PCDHGA3: variants seen among roughly 807,000 people sequenced by gnomAD.
PCDHGA3 encodes the protein protocadherin gamma subfamily A, 3.
Under a neutral mutation model 58.5 loss-of-function variants are expected in PCDHGA3, and 40 were observed. The observed-to-expected ratio is 0.68, with a 90% CI of 0.53 to 0.89. PCDHGA3 has a LOEUF of 0.89. Among genes scored for constraint, PCDHGA3 ranks in the 40% least tolerant of loss-of-function variants. PCDHGA3 has a pLI of 0.00. For synonymous variants in PCDHGA3, 530 were observed against 525.7 expected (o/e 1.01, Z -0.11); for missense variants, 1,223 against 1,195.9 (o/e 1.02, Z -0.33).
rs776047060 is a variant in PCDHGA3, at chr5:141,393,622, A to T, written c.2424+47165A>T. The T allele has an allele frequency of 1.9e-6, 3 of 1,613,960 alleles. No individual in the cohort carries two copies. The Admixed American group carries it at 5.0e-5, about 27-fold the overall frequency. ...CTTACTGTAACAGCCAGCGACCCGG[A>T]TGAGGGAATCAACGGAAAAGTGGCA... On this transcript the variant is annotated intron_variant, in intron 1 of 3. Coordinates refer to ENST00000253812, the MANE Select transcript of PCDHGA3 (RefSeq NM_018916.4).
At chr5:141,393,718 C>A in intron 1 of PCDHGA3, 2 of 1,613,644 alleles carry the variant, frequency 1.2e-6, no homozygotes, top group Non-Finnish European at 1.7e-6. Flanking sequence ...GGGGAAATAT[C>A]AATAGCAAAA....
chr5:141,345,989 C>G lies in PCDHGA3; in HGVS notation c.1956C>G (p.Pro652=), dbSNP rs1224103183. 6.2e-7 allele frequency: 1 copy of G among 1,613,424 alleles called. No individual in the cohort carries two copies. Among genetic ancestry groups the G allele is most frequent in the Non-Finnish European group, 8.5e-7 (1 of 1,179,842 alleles). Residue 652 remains proline (P), a synonymous_variant, in exon 1 of 4, where the codon CCC becomes CCG. Coordinates refer to ENST00000253812, the MANE Select transcript of PCDHGA3 (RefSeq NM_018916.4). ...LVVAVQDHGQ[P]PLSATVTLTV... ...TGGCCGTCCAGGACCACGGCCAGCC[C>G]CCTCTCTCCGCCACTGTCACGCTCA...
chr5:141,399,643 C>T, intron 1 of PCDHGA3: 1 of 1,613,832 alleles, frequency 6.2e-7, no homozygotes, highest in Non-Finnish European at 8.5e-7. Context: ...CATGAGCGCG[C>T]AAAGTGGGGT....
chr5:141,384,953 A>G, intron 1 of PCDHGA3: 1 of 1,613,944 alleles, frequency 6.2e-7, no homozygotes, highest in Non-Finnish European at 8.5e-7. Context: ...GACGGTCCTT[A>G]CAACTATGAC....
intron 1 of PCDHGA3, chr5:141,414,451 G>C (rs1390702349): frequency 1.9e-6 from 3 of 1,613,874 alleles, no homozygotes; most frequent in Non-Finnish European, 2.5e-6. Context: ...CAATATCACA[G>C]TGACAGCCAC....
At chr5:141,404,039 G>A in intron 1 of PCDHGA3, 1 of 1,613,750 alleles carries the variant, frequency 6.2e-7, no homozygotes, top group Non-Finnish European at 8.5e-7. Context: ...CGCACCTCAG[G>A]GAACAGTAAT....
At position 141,491,369 on chromosome 5, in the gene PCDHGA3, CCTTT is replaced by C; in HGVS notation, c.2425-3435_2425-3432del. ...AGTCTCTTATCCCTAGTCACCTTCACCTTTCTGTCAGCGAAGTGCCTTCAGGGAA... is the reference window on the plus strand; with the variant it reads ...AGTCTCTTATCCCTAGTCACCTTCACCTGTCAGCGAAGTGCCTTCAGGGAA... On this transcript the variant is annotated intron_variant, in intron 1 of 3. Transcript: ENST00000253812. The surrounding 1 kb of genome is among the most constrained non-coding windows in gnomAD (Gnocchi z 6.9). 1 of 1,614,110 alleles carries C rather than the reference CCTTT, an allele frequency of 6.2e-7. No individual in the cohort carries two copies. Among genetic ancestry groups the C allele is most frequent in the Non-Finnish European group, 8.5e-7 (1 of 1,179,996 alleles).
intron 1 of PCDHGA3, chr5:141,370,801 A>G: frequency 6.2e-7 from 1 of 1,614,036 alleles, no homozygotes; most frequent in Non-Finnish European, 8.5e-7. Flanking sequence ...TTTAGCCAAA[A>G]TATCACTGAG....
At chr5:141,408,097 C>T (rs2095040197) in intron 1 of PCDHGA3, 5 of 1,434,516 alleles carry the variant, frequency 3.5e-6, no homozygotes, top group Non-Finnish European at 3.7e-6. Context: ...TTGCCAGCTC[C>T]GAGACCCGGG....
chr5:141,364,522 C>G (rs1763375621), intron 1 of PCDHGA3: 1 of 1,613,942 alleles, frequency 6.2e-7, no homozygotes, highest in Non-Finnish European at 8.5e-7. Flanking sequence ...AGCGCGGAGT[C>G]CGCATCGTCT....
intron 1 of PCDHGA3, among the ~76,000 whole-genome samples, chr5:141,407,095 T>C (rs1242751445): frequency 6.6e-6 from 1 of 152,370 alleles, no homozygotes; most frequent in East Asian, 1.9e-4. Flanking sequence ...ATTGTTTTAT[T>C]TGTTTGTAAT....
At chr5:141,481,070 A>G (rs2099531062) in intron 1 of PCDHGA3, among the ~76,000 whole-genome samples, 1 of 152,144 alleles carries the variant, frequency 6.6e-6, no homozygotes, top group South Asian at 2.1e-4. Context: ...AAACAAAAAG[A>G]AAGAAAGAAA....
At chr5:141,439,631 A>G (rs1459977985) in intron 1 of PCDHGA3, among the ~76,000 whole-genome samples, 2 of 152,214 alleles carry the variant, frequency 1.3e-5, no homozygotes, top group African/African-American at 2.4e-5. Context: ...ATCCCCAGAC[A>G]TTCCGGCTTG....
At chr5:141,355,426 G>T (rs368097715) in intron 1 of PCDHGA3, 11 of 1,614,068 alleles carry the variant, frequency 6.8e-6, no homozygotes, top group Non-Finnish European at 9.3e-6. Flanking sequence ...GCAGCTTTTC[G>T]CCCTGAACCC....
chr5:141,500,173 T>G (rs1666567886), intron 2 of PCDHGA3, among the ~76,000 whole-genome samples: 1 of 149,340 alleles, frequency 6.7e-6, no homozygotes, highest in East Asian at 1.9e-4. Context: ...ATGCATGAGC[T>G]TCATTTTTAT....
intron 3 of PCDHGA3, among the ~76,000 whole-genome samples, chr5:141,506,381 G>A (rs750584158): frequency 2.0e-5 from 3 of 151,216 alleles, no homozygotes; most frequent in Non-Finnish European, 4.4e-5. Context: ...CCTGGGAGGT[G>A]GCTGTGGTGA....
At chr5:141,361,981 C>T in intron 1 of PCDHGA3, 1 of 1,601,314 alleles carries the variant, frequency 6.2e-7, no homozygotes, top group Non-Finnish European at 8.5e-7. Context: ...CGAGCCCGGG[C>T]TCTTCAGCCT....
intron 1 of PCDHGA3, chr5:141,398,744 G>A: frequency 1.9e-6 from 3 of 1,613,854 alleles, no homozygotes; most frequent in Non-Finnish European, 2.5e-6. Context: ...GAACAACAGA[G>A]TTACCATCGT....
chr5:141,352,487 A>T, intron 1 of PCDHGA3: 1 of 1,613,940 alleles, frequency 6.2e-7, no homozygotes, highest in Non-Finnish European at 8.5e-7. Context: ...CAGCGAGGGG[A>T]CTTTGCCCTA....
Sources: allele counts gnomAD v4.1 joint callset (sites outside exome capture counted in the v4.1 genomes callset), GRCh38; gene constraint gnomAD v4.1.1; non-coding constraint Gnocchi (gnomAD v3.1); transcripts MANE v1.5; gene names NCBI Gene and HGNC (gene_info 2026-07-23, HGNC 2026-07-21).